C8orf34: variants seen among roughly 807,000 people sequenced by gnomAD.
C8orf34 encodes the protein chromosome 8 open reading frame 34.
Under a neutral mutation model 68.3 loss-of-function variants are expected in C8orf34, and 65 were observed. The ratio of observed to expected loss-of-function variants is 0.95; its 90% CI spans 0.78 to 1.17. The LOEUF (loss-of-function observed/expected upper bound fraction) is 1.17. C8orf34 is among the 50% of genes most tolerant of loss of function. The probability of loss-of-function intolerance (pLI) is 0.00; values close to 1 mark genes in which losing one functional copy is unlikely to be tolerated. For missense variants in C8orf34, 664 were observed against 655.4 expected (o/e 1.01, Z -0.14); for synonymous variants, 244 against 241.2 (o/e 1.01, Z -0.11).
rs1483298741 is a variant in C8orf34, at chr8:68,486,555, C to G, written c.737-1468C>G. Among the ~76,000 whole-genome samples, 5 of 152,236 alleles carry G rather than the reference C, an allele frequency of 3.3e-5. No individual in the cohort carries two copies. In the South Asian group the frequency reaches 6.2e-4, roughly 19 times the overall value. On this transcript the variant is annotated intron_variant, in intron 4 of 13. Transcript: ENST00000518698. ...GTACCTGTGTTTCTAGTGTCATCTA[C>G]AAGGGGATCTACAATGGTGTCATTT...
chr8:68,725,002 G>C (rs150061004), intron 10 of C8orf34, among the ~76,000 whole-genome samples: 2,458 of 151,896 alleles, frequency 0.016, 19 homozygotes, highest in Non-Finnish European at 0.027. Flanking sequence ...TGGGTAGCTG[G>C]GACTACAGGT....
chr8:68,683,830 C>T (rs1041314264), intron 8 of C8orf34, among the ~76,000 whole-genome samples: 4 of 151,938 alleles, frequency 2.6e-5, no homozygotes, highest in African/African-American at 2.4e-5. Flanking sequence ...TAGTCCATGC[C>T]CATAAGGGTT....
intron 11 of C8orf34, among the ~76,000 whole-genome samples, chr8:68,782,431 CTTT>C (rs10539738): frequency 7.1e-4 from 98 of 138,634 alleles, no homozygotes; most frequent in African/African-American, 8.0e-4. Context: ...GATTGAGTGT[CTTT>C]TTTTTTTTTT....
chr8:68,645,502 C>G (rs1275321213), intron 8 of C8orf34, among the ~76,000 whole-genome samples: 1 of 152,068 alleles, frequency 6.6e-6, no homozygotes, highest in Non-Finnish European at 1.5e-5. Flanking sequence ...ATCTCTGGTC[C>G]ATCTTTCAGG....
rs550243590 is a variant in C8orf34, at chr8:68,531,596, A to T, written c.939-1387A>T. ...GTCAATTTGTCCAGTATTATTGGTG[A>T]TGCTAAGTTTGATCACTTGGTTAAG... On this transcript the variant is annotated intron_variant, in intron 6 of 13. Coordinates refer to ENST00000518698, the MANE Select transcript of C8orf34 (RefSeq NM_052958.4). Among the ~76,000 whole-genome samples, 4 of 152,238 alleles carry T rather than the reference A, an allele frequency of 2.6e-5. No homozygotes were observed. In the South Asian group the frequency reaches 8.3e-4, roughly 32 times the overall value.
chr8:68,341,071 G>A (rs1806049961), intron 1 of C8orf34, among the ~76,000 whole-genome samples: 1 of 152,170 alleles, frequency 6.6e-6, no homozygotes, highest in Admixed American at 6.5e-5. Context: ...TAAATTAGAT[G>A]ACTTATAAAC....
intron 1 of C8orf34, among the ~76,000 whole-genome samples, chr8:68,353,033 T>G (rs187207067): frequency 6.7e-6 from 1 of 150,222 alleles, no homozygotes; most frequent in African/African-American, 2.5e-5. Context: ...CAACAATTCC[T>G]TATTAAATCA....
rs1813156416 is a variant in C8orf34, at chr8:68,488,171, C to T, written c.765+120C>T. 7.4e-6 allele frequency: 5 copies of T among 676,348 alleles called. No individual in the cohort carries two copies. In the South Asian group the frequency reaches 1.3e-4, roughly 18 times the overall value. 41.9% of individuals were successfully genotyped at this position (676,348 alleles called of 1,614,324 possible). On this transcript the variant is annotated intron_variant, in intron 5 of 13. Transcript: ENST00000518698. Reference sequence around the variant, plus strand: ...TTCAAGTATAATTTATTTGGGCTAACATTTTAAAACTTTGAAAGTTAAATG... The same window carrying T: ...TTCAAGTATAATTTATTTGGGCTAATATTTTAAAACTTTGAAAGTTAAATG...
intron 11 of C8orf34, among the ~76,000 whole-genome samples, chr8:68,783,225 G>A (rs1823734159): frequency 6.6e-6 from 1 of 152,080 alleles, no homozygotes; most frequent in Admixed American, 6.5e-5. Flanking sequence ...TCTGTTCAAA[G>A]CCATGCTGCT....
chr8:68,576,518 A>T (rs986467904), intron 7 of C8orf34, among the ~76,000 whole-genome samples: 1 of 151,636 alleles, frequency 6.6e-6, no homozygotes, highest in South Asian at 2.1e-4. Context: ...TTCTTTCAAT[A>T]TTATTGTCTA....
intron 3 of C8orf34, among the ~76,000 whole-genome samples, chr8:68,454,170 A>C (rs1205369008): frequency 6.6e-6 from 1 of 152,026 alleles, no homozygotes; most frequent in East Asian, 1.9e-4. Context: ...TTAGTTTGTT[A>C]GTCTTTTATT....
At chr8:68,534,198 C>G in intron 7 of C8orf34, 1 of 985,328 alleles carries the variant, frequency 1.0e-6, no homozygotes, top group Non-Finnish European at 1.2e-6. Context: ...AAGATGTTTT[C>G]TGATGCTGTA....
chr8:68,467,304 T>G (rs145315620), intron 3 of C8orf34, among the ~76,000 whole-genome samples: 2 of 152,088 alleles, frequency 1.3e-5, no homozygotes, highest in South Asian at 4.1e-4. Context: ...TATTCTAGAA[T>G]TGACAGTTCT....
intron 7 of C8orf34, among the ~76,000 whole-genome samples, chr8:68,628,339 G>T (rs1347841970): frequency 1.3e-5 from 2 of 152,092 alleles, no homozygotes; most frequent in Non-Finnish European, 2.9e-5. Flanking sequence ...TGTAAAAATA[G>T]AGAACCAACA....
chr8:68,426,505 TA>T (rs1810222897), intron 1 of C8orf34, among the ~76,000 whole-genome samples: 1 of 36,096 alleles, frequency 2.8e-5, no homozygotes, highest in African/African-American at 1.2e-4. Flanking sequence ...AGTGACAGAA[TA>T]AGACCTTGTC....
chr8:68,520,952 G>C (rs766326152), intron 5 of C8orf34, among the ~76,000 whole-genome samples: 1 of 152,148 alleles, frequency 6.6e-6, no homozygotes, highest in African/African-American at 2.4e-5. Context: ...ATTACCTGTA[G>C]TTCCTTCATT....
At chr8:68,548,894 G>C (rs1301350098) in intron 7 of C8orf34, among the ~76,000 whole-genome samples, 1 of 151,766 alleles carries the variant, frequency 6.6e-6, no homozygotes, top group African/African-American at 2.4e-5. Context: ...TATTGCTATT[G>C]ACTAAATTTT....
At chr8:68,689,754 G>A (rs537842148) in intron 8 of C8orf34, among the ~76,000 whole-genome samples, 2 of 152,024 alleles carry the variant, frequency 1.3e-5, no homozygotes, top group Admixed American at 6.6e-5. Flanking sequence ...GTCTGTTTTG[G>A]GTTCTATCTG....
At chr8:68,730,226 A>G (rs931235517) in intron 10 of C8orf34, among the ~76,000 whole-genome samples, 6 of 152,174 alleles carry the variant, frequency 3.9e-5, no homozygotes, top group Admixed American at 3.3e-4. Context: ...CTTGAAAGAT[A>G]GTGTTGGCAA....
Sources: gnomAD v4.1 joint callset for allele counts (sites outside exome capture counted in the v4.1 genomes callset) on GRCh38, gnomAD v4.1.1 for gene constraint, MANE v1.5 for transcripts, NCBI Gene and HGNC (gene_info 2026-07-23, HGNC 2026-07-21) for gene names.